Variants in CERS6 observed in about 807,000 individuals in gnomAD.
CERS6 encodes the protein LAG1 homolog, ceramide synthase 6.
Under a neutral mutation model 56.8 loss-of-function variants are expected in CERS6, and 26 were observed. The ratio of observed to expected loss-of-function variants is 0.46; its 90% CI spans 0.34 to 0.63. The LOEUF (loss-of-function observed/expected upper bound fraction) is 0.63. CERS6 is among the 30% of genes least tolerant of loss of function. The probability of loss-of-function intolerance (pLI) is 0.01; values close to 1 mark genes in which losing one functional copy is unlikely to be tolerated. For synonymous variants in CERS6, 164 were observed against 173.3 expected, an observed-to-expected ratio of 0.95 and a Z score of 0.42; for missense variants, 415 against 467.5, an observed-to-expected ratio of 0.89 and a Z score of 1.04.
intron 8 of CERS6, 81 bp downstream of exon 8, chr2:168,718,059 G>A: frequency 2.0e-6 from 2 of 991,074 alleles, no homozygotes; most frequent in South Asian, 1.5e-5. Context: ...GAATTTTACT[G>A]TAAGTATTTA....
At chr2:168,688,031 T>C (rs1686399916) in intron 4 of CERS6, among the ~76,000 whole-genome samples, 1 of 152,176 alleles carries the variant, frequency 6.6e-6, no homozygotes, top group African/African-American at 2.4e-5. Flanking sequence ...TTTTCCAACC[T>C]TGATAAACTT....
chr2:168,652,796 C>T (rs1685378154), intron 4 of CERS6, among the ~76,000 whole-genome samples: 1 of 152,126 alleles, frequency 6.6e-6, no homozygotes, highest in Non-Finnish European at 1.5e-5. Flanking sequence ...TAAAAAAAAT[C>T]ACGATCTTCC....
rs1279304225 is a variant in CERS6, at chr2:168,456,614, G to C, written c.166G>C (p.Glu56Gln). The C allele has an allele frequency of 6.2e-6, 10 of 1,612,910 alleles. No individual in the cohort carries two copies. Among genetic ancestry groups the C allele is most frequent in the Admixed American group, 1.7e-5 (1 of 59,910 alleles). The change falls in exon 1 of 10, where the codon GAG becomes CAG. Residue 56 changes from glutamate (E) to glutamine (Q), a missense_variant. Physicochemically the swap from Glu to Gln is conservative, Grantham distance 29. Transcript: ENST00000305747. This position sits in a 1 kb window ranked among gnomAD's most constrained non-coding sequence, Gnocchi z 4.1. ...FCIFMVRLIF[E>Q]RFVAKPCAIA... ...TATCTTCATGGTGCGGCTCATCTTC[G>C]AGAGGTAAGAAGGGCTGAAGCCCCT...
chr2:168,708,305 C>T (rs1174939399), intron 6 of CERS6, among the ~76,000 whole-genome samples: 1 of 152,024 alleles, frequency 6.6e-6, no homozygotes, highest in Non-Finnish European at 1.5e-5. Flanking sequence ...CCACTTCTAC[C>T]GCCAGCATTC....
At chr2:168,498,004 C>T (rs1157838045) in intron 1 of CERS6, among the ~76,000 whole-genome samples, 1 of 152,064 alleles carries the variant, frequency 6.6e-6, no homozygotes, top group Non-Finnish European at 1.5e-5. Flanking sequence ...GATACCAAGC[C>T]TCCTGCATTT....
rs537558281 is a variant in CERS6 at position 168,657,426 on chromosome 2, C to T, written c.465+26384C>T. Among the ~76,000 whole-genome samples the T allele has an allele frequency of 5.9e-3, 904 of 152,370 alleles. 6 individuals carry two copies. Among genetic ancestry groups the T allele is most frequent in the African/African-American group, 0.015 (635 of 41,588 alleles). ...CAGGTGGAGCTGCCTGCCAGTCCTG[C>T]GCCATGCGCTCGCATTCCTCAGCCC... On this transcript the variant is annotated intron_variant, in intron 4 of 9. Coordinates refer to ENST00000305747, the MANE Select transcript of CERS6 (RefSeq NM_203463.3).
At chr2:168,545,069 T>C (rs1431396138) in intron 1 of CERS6, among the ~76,000 whole-genome samples, 3 of 151,818 alleles carry the variant, frequency 2.0e-5, no homozygotes, top group East Asian at 3.8e-4. Context: ...CTCTATGATA[T>C]GATTTTTAAA....
chr2:168,511,945 C>T (rs1013723055), intron 1 of CERS6, among the ~76,000 whole-genome samples: 1 of 71,670 alleles, frequency 1.4e-5, no homozygotes, highest in African/African-American at 3.7e-5. Context: ...TGTGTGCATG[C>T]ACGTGCACAC....
At chr2:168,547,188 T>C (rs1269292655) in intron 1 of CERS6, among the ~76,000 whole-genome samples, 2 of 152,228 alleles carry the variant, frequency 1.3e-5, no homozygotes, top group African/African-American at 4.8e-5. Context: ...TCTCTCTGCA[T>C]GGATAATTAG....
At chr2:168,568,952 A>G (rs1482680340) in intron 3 of CERS6, among the ~76,000 whole-genome samples, 1 of 152,264 alleles carries the variant, frequency 6.6e-6, no homozygotes, top group Non-Finnish European at 1.5e-5. Flanking sequence ...GCAGTTTTAT[A>G]CACATTAAAT....
intron 1 of CERS6, among the ~76,000 whole-genome samples, chr2:168,475,065 C>T (rs1694044484): frequency 6.6e-6 from 1 of 152,174 alleles, no homozygotes; most frequent in Non-Finnish European, 1.5e-5. Context: ...CTACGTTGTT[C>T]TTCAGTACAG....
At chr2:168,511,615 G>A (rs557935428) in intron 1 of CERS6, among the ~76,000 whole-genome samples, 45 of 152,208 alleles carry the variant, frequency 3.0e-4, no homozygotes, top group African/African-American at 1.1e-3. Flanking sequence ...CTATATTCTG[G>A]TGTTAATTCT....
At chr2:168,729,219 C>CT (rs1683445270) in intron 8 of CERS6, among the ~76,000 whole-genome samples, 2 of 152,110 alleles carry the variant, frequency 1.3e-5, no homozygotes, top group African/African-American at 4.8e-5. Context: ...TTAAAAATAT[C>CT]TGAGTGTCGT....
chr2:168,697,629 A>G (rs1686689248), intron 6 of CERS6, among the ~76,000 whole-genome samples: 2 of 151,304 alleles, frequency 1.3e-5, no homozygotes, highest in African/African-American at 2.4e-5. Flanking sequence ...CATGCAATAT[A>G]GGAATGAATT....
intron 8 of CERS6, among the ~76,000 whole-genome samples, chr2:168,734,220 C>T (rs1322788987): frequency 6.6e-6 from 1 of 152,018 alleles, no homozygotes; most frequent in Non-Finnish European, 1.5e-5. Context: ...TGGACGTAGA[C>T]TACTTGTTTA....
intron 1 of CERS6, among the ~76,000 whole-genome samples, chr2:168,504,650 C>T (rs571802389): frequency 7.3e-5 from 11 of 150,418 alleles, no homozygotes; most frequent in South Asian, 4.2e-4. Context: ...GTGGGTCTGG[C>T]GTAGTGGGGT....
chr2:168,474,711 T>C (rs566506119), intron 1 of CERS6, among the ~76,000 whole-genome samples: 2 of 152,344 alleles, frequency 1.3e-5, no homozygotes, highest in African/African-American at 4.8e-5. Context: ...GTTTATACTT[T>C]GAACTTTGCA....
chr2:168,571,965 G>C (rs952121241), intron 3 of CERS6, among the ~76,000 whole-genome samples: 1 of 152,164 alleles, frequency 6.6e-6, no homozygotes, highest in Non-Finnish European at 1.5e-5. Context: ...AAGGGAGGCT[G>C]TTTACTGCTG....
chr2:168,547,474 C>G, intron 1 of CERS6, 122 bp from the exon 2 acceptor site: 1 of 607,352 alleles, frequency 1.6e-6, no homozygotes, highest in Non-Finnish European at 2.9e-6. Flanking sequence ...TGACAATGTA[C>G]ACCCATGAAA....
Sources: allele counts gnomAD v4.1 joint callset (sites outside exome capture counted in the v4.1 genomes callset), GRCh38; gene constraint gnomAD v4.1.1; non-coding constraint Gnocchi (gnomAD v3.1); transcripts MANE v1.5; gene names NCBI Gene and HGNC (gene_info 2026-07-23, HGNC 2026-07-21).